The following DCAF15 variants were observed in gnomAD, a reference collection of about 807,000 sequenced individuals.
The protein encoded by DCAF15 is DDB1- and CUL4-associated factor 15.
A neutral mutation model predicts 68.0 loss-of-function variants in DCAF15; 24 were observed. That is an observed-to-expected ratio of 0.35 (90% CI 0.26 to 0.50). The LOEUF (loss-of-function observed/expected upper bound fraction) is 0.50, where lower values mean the gene tolerates loss of function less well. DCAF15 is among the 20% of genes least tolerant of loss of function. The pLI, the probability that DCAF15 is intolerant of heterozygous loss-of-function variation, is 0.98. For synonymous variants in DCAF15, 376 were observed against 341.6 expected (o/e 1.10, Z -1.11); for missense variants, 627 against 830.6 (o/e 0.75, Z 3.01).
chr19:13,960,564 T>C lies in DCAF15; in HGVS notation c.1731T>C (p.Asn577=). 1 of 1,592,884 alleles carries C rather than the reference T, an allele frequency of 6.3e-7. No homozygotes were observed. Among genetic ancestry groups the C allele is most frequent in the South Asian group, 1.1e-5 (1 of 88,246 alleles). The change falls in exon 12 of 13, where the codon AAT becomes AAC. Residue 577 remains asparagine, a synonymous_variant. Transcript: ENST00000254337. ...GCCGCTACGTCAACAGGATGACCAA[T>C]GAGGCGCTGCACAAAGGTGGGGCTC... ...SSGRYVNRMT[N]EALHKGCSLK...
Position 13,961,214 on chromosome 19 carries a change from C to T in DCAF15, c.*219C>T, listed in dbSNP as rs1167099142. ...AAGTTGGGAAGGGGCAGAGAGAGGG[C>T]GCCCCCTGCCCCACCAGCCTGAGTG... is the stretch of plus-strand genomic sequence containing the variant. On this transcript the variant is annotated 3_prime_UTR_variant, in exon 13 of 13. Coordinates refer to ENST00000254337, the MANE Select transcript of DCAF15 (RefSeq NM_138353.4). The T allele has an allele frequency of 1.5e-5, 9 of 604,506 alleles. No individual in the cohort carries two copies. Among genetic ancestry groups the T allele is most frequent in the Admixed American group, 5.7e-5 (2 of 35,184 alleles). The allele number at this position is 604,506 out of a possible 1,614,324, so 37.4% of individuals were successfully genotyped here.
intron 5 of DCAF15, 22 bp downstream of exon 5, chr19:13,956,284 G>C (rs761472327): frequency 2.5e-6 from 4 of 1,611,792 alleles, no homozygotes; most frequent in Non-Finnish European, 3.4e-6. Context: ...GAGGGGGCGA[G>C]GGCCTCTTCC....
In DCAF15 at chr19:13,956,506, C is replaced by T. The variant is rs754325765; in HGVS notation, c.768C>T (p.Val256=). The T allele has an allele frequency of 6.2e-7, 1 of 1,613,208 alleles. No homozygotes were observed. Residue 256 remains valine, a synonymous_variant, in exon 6 of 13, where the codon GTC becomes GTT. Coordinates refer to ENST00000254337, the MANE Select transcript of DCAF15 (RefSeq NM_138353.4). ...NTSYSLVACA[V]SVHSAGDRSF... is the part of the protein sequence containing the mutation. ...GCTACTCCCTGGTGGCCTGCGCCGTCTCCGTCCACTCGGCAGGTAGGCCCT... is the reference window on the plus strand; with the variant it reads ...GCTACTCCCTGGTGGCCTGCGCCGTTTCCGTCCACTCGGCAGGTAGGCCCT...
chr19:13,958,723 C>T (rs1973464558), intron 6 of DCAF15, among the ~76,000 whole-genome samples: 1 of 152,120 alleles, frequency 6.6e-6, no homozygotes, highest in Non-Finnish European at 1.5e-5. Flanking sequence ...AGGCTGGATG[C>T]TACTGTAGTG....
chr19:13,960,943 G>A lies in DCAF15; in HGVS notation c.1751G>A (p.Cys584Tyr), dbSNP rs757094457. 2 of 1,614,012 alleles carry A rather than the reference G, an allele frequency of 1.2e-6. No individual in the cohort carries two copies. The highest frequency in any genetic ancestry group is 4.5e-5 in the East Asian group (2 of 44,886). The change falls in exon 13 of 13, where the codon TGC becomes TAC. Residue 584 changes from cysteine to tyrosine, a missense_variant. Cys to Tyr is a radical substitution (Grantham distance 194, BLOSUM62 -2). Around this residue, in one of 3 missense-constraint regions of DCAF15, gnomAD observed 118 missense variants for 211.8 expected, o/e 0.56. Coordinates refer to ENST00000254337, the MANE Select transcript of DCAF15 (RefSeq NM_138353.4). ...TTGTCTCCACCTGTCCCTGTAGGGT[G>A]CTCCCTGAAGGTTCTGGCGGACAGC... ...RMTNEALHKG[C>Y]SLKVLADSER...
At position 13,960,989 on chromosome 19, in the gene DCAF15, G is replaced by T; in HGVS notation, c.1797G>T (p.Val599=). The T allele has an allele frequency of 6.2e-7, 1 of 1,613,852 alleles. No individual in the cohort carries two copies. Among genetic ancestry groups the T allele is most frequent in the Non-Finnish European group, 8.5e-7 (1 of 1,180,022 alleles). Residue 599 remains valine, a synonymous_variant, in exon 13 of 13, where the codon GTG becomes GTT. Transcript: ENST00000254337. ...LADSERYTWI[V]L Reference sequence around the variant, plus strand: ...ACAGCGAGCGATATACGTGGATCGTGCTGTGAGGGCCAGGCCGCCCCGGAC... The same window carrying T: ...ACAGCGAGCGATATACGTGGATCGTTCTGTGAGGGCCAGGCCGCCCCGGAC...
Position 13,954,738 on chromosome 19 carries a change from T to G in DCAF15, c.366+77T>G. 6.6e-6 allele frequency: 10 copies of G among 1,507,880 alleles called. No homozygotes were observed. In the South Asian group the frequency reaches 1.1e-4, roughly 17 times the overall value. The allele number at this position is 1,507,880 out of a possible 1,614,324, so 93.4% of individuals were successfully genotyped here. A position where few individuals can be genotyped will look rare whatever the true frequency, so the allele number is the denominator to read the frequency against. On this transcript the variant is annotated intron_variant, in intron 3 of 12. Coordinates refer to ENST00000254337, the MANE Select transcript of DCAF15 (RefSeq NM_138353.4). ...GTCACAGCAACCTCTGAGCCTCAGG[T>G]TCCTTGGGTGTAAAATGATCATCAT... is the stretch of plus-strand genomic sequence containing the variant.
chr19:13,959,928 C>CGGGCAGGGTGGGCCCAGGGA, intron 9 of DCAF15, 33 bp downstream of exon 9: 2 of 1,613,390 alleles, frequency 1.2e-6, no homozygotes, highest in Non-Finnish European at 1.7e-6. Flanking sequence ...GGGCCCAGGG[C>CGGGCAGGGTGGGCCCAGGGA]CTCCTGTACT....
At chr19:13,953,347 A>G in intron 1 of DCAF15, 1 of 528,630 alleles carries the variant, frequency 1.9e-6, no homozygotes, top group Admixed American at 3.7e-5. Context: ...CTCTGTGGAC[A>G]GGGACTGCGC....
chr19:13,960,909 C>T (rs929243948), intron 12 of DCAF15, 31 bp from the exon 13 acceptor site: 1 of 1,613,684 alleles, frequency 6.2e-7, no homozygotes, highest in African/African-American at 1.3e-5. Context: ...CAGGCAGGGG[C>T]TCTATGCTTT....
chr19:13,953,570 T>C (rs912090323), intron 1 of DCAF15, among the ~76,000 whole-genome samples: 2 of 152,224 alleles, frequency 1.3e-5, no homozygotes, highest in Non-Finnish European at 2.9e-5. Context: ...TCCGTCAGAC[T>C]GAGACCTCCA....
rs995307023 is a variant in DCAF15, at chr19:13,953,202, G to A, written c.132+558G>A. On this transcript the variant is annotated intron_variant, in intron 1 of 12. Transcript: ENST00000254337. Reference sequence around the variant, plus strand: ...CCGCAGAGTGAGAGTTACCGAAGCAGGCTCTGTCTCCTCCATCAGACTGGA... The same window carrying A: ...CCGCAGAGTGAGAGTTACCGAAGCAAGCTCTGTCTCCTCCATCAGACTGGA... 4.2e-6 allele frequency: 6 copies of A among 1,437,574 alleles called. 1 individual carries two copies. The highest frequency in any genetic ancestry group is 3.6e-4 in the Middle Eastern group (2 of 5,598). 89.1% of individuals were successfully genotyped at this position (1,437,574 alleles called of 1,614,324 possible). A position where few individuals can be genotyped will look rare whatever the true frequency, so the allele number is the denominator to read the frequency against.
chr19:13,956,310 C>G, intron 5 of DCAF15, 42 bp from the exon 6 acceptor site: 2 of 1,611,928 alleles, frequency 1.2e-6, no homozygotes, highest in South Asian at 2.2e-5. Context: ...CCCCCCCTTG[C>G]TCCGGGCCGA....
In DCAF15 at chr19:13,959,499, G is replaced by A; in HGVS notation, c.1219+20G>A. The A allele has an allele frequency of 6.2e-7, 1 of 1,609,064 alleles. No homozygotes were observed. Among genetic ancestry groups the A allele is most frequent in the South Asian group, 1.1e-5 (1 of 91,006 alleles). On this transcript the variant is annotated intron_variant, in intron 7 of 12. Transcript: ENST00000254337. The stretch of plus-strand genomic sequence containing the variant: ...AGGATGGTGAGCGGGGGGCAGGCAT[G>A]TGACAGGGCCTGGGATGGAGAGGCC...
Position 13,959,621 on chromosome 19 carries a change from C to T in DCAF15, c.1259C>T (p.Thr420Ile). The change falls in exon 8 of 13, where the codon ACT becomes ATT. Residue 420 changes from threonine to isoleucine, a missense_variant. Physicochemically the swap from Thr to Ile is moderately conservative, Grantham distance 89. This residue lies in a region of DCAF15 where 236 missense variants were observed against 225.1 expected (regional missense o/e 1.05). Transcript: ENST00000254337. ...AAGATCTCCCTGCCCTTCGTGGTGA[C>T]TGATCTTCGTGGCCGCAACCTGCGG... is the stretch of plus-strand genomic sequence containing the variant. The part of the protein sequence containing the change: ...DDKISLPFVV[T>I]DLRGRNLRPM... 1 of 1,613,512 alleles carries T rather than the reference C, an allele frequency of 6.2e-7. No homozygotes were observed. Among genetic ancestry groups the T allele is most frequent in the Non-Finnish European group, 8.5e-7 (1 of 1,179,930 alleles).
chr19:13,954,736 G>C, intron 3 of DCAF15, 75 bp downstream of exon 3: 1 of 1,511,382 alleles, frequency 6.6e-7, no homozygotes, highest in Non-Finnish European at 9.1e-7. Flanking sequence ...CTGAGCCTCA[G>C]GTTCCTTGGG....
In DCAF15 at chr19:13,960,570, G is replaced by A. The variant is rs758187196; in HGVS notation, c.1737G>A (p.Ala579=). Residue 579 remains alanine, a synonymous_variant, in exon 12 of 13, where the codon GCG becomes GCA. Coordinates refer to ENST00000254337, the MANE Select transcript of DCAF15 (RefSeq NM_138353.4). ...ACGTCAACAGGATGACCAATGAGGC[G>A]CTGCACAAAGGTGGGGCTCGGTGAC... is the stretch of plus-strand genomic sequence containing the variant. The part of the protein sequence containing the change: ...GRYVNRMTNE[A]LHKGCSLKVL... 3.1e-6 allele frequency: 5 copies of A among 1,588,982 alleles called. No individual in the cohort carries two copies. In the South Asian group the frequency reaches 4.6e-5, roughly 14 times the overall value.
rs139233149 is a variant in DCAF15, at chr19:13,959,330, C to T, written c.1070C>T (p.Ala357Val). The T allele has an allele frequency of 9.8e-5, 158 of 1,606,334 alleles. 2 individuals carry two copies. The African/African-American group carries it at 1.3e-3, about 13-fold the overall frequency. Residue 357 changes from alanine (A) to valine (V), a missense_variant, in exon 7 of 13, where the codon GCG (alanine) becomes GTG (valine). Physicochemically the swap from Ala to Val is moderately conservative, Grantham distance 64. This residue lies in a region of DCAF15 where 236 missense variants were observed against 225.1 expected (regional missense o/e 1.05). Coordinates refer to ENST00000254337, the MANE Select transcript of DCAF15 (RefSeq NM_138353.4). ...GGACCCTCTGGCAGCCGCTGCCGTG[C>T]GCACTCTGAGCCCCTAGCCCTGTGT... ...CPGPSGSRCR[A>V]HSEPLALCGE...
rs774956668 is a variant in DCAF15 at position 13,959,246 on chromosome 19, G to A, written c.986G>A (p.Arg329His). The change falls in exon 7 of 13, where the codon CGC becomes CAC. Residue 329 changes from arginine to histidine, a missense_variant. Arg to His is a conservative substitution (Grantham distance 29). Coordinates refer to ENST00000254337, the MANE Select transcript of DCAF15 (RefSeq NM_138353.4). ...KAKEFVADIF[R>H]RAKEAKGGVP... ...AAGGAGTTTGTGGCTGACATCTTCC[G>A]CCGGGCCAAAGAGGCCAAGGGCGGG... 9.9e-6 allele frequency: 16 copies of A among 1,612,550 alleles called. No individual in the cohort carries two copies. The highest frequency in any genetic ancestry group is 1.6e-4 in the Middle Eastern group (1 of 6,062).
Sources: allele counts gnomAD v4.1 joint callset (sites outside exome capture counted in the v4.1 genomes callset), GRCh38; gene constraint gnomAD v4.1.1; regional missense constraint gnomAD v4.1.1; transcripts MANE v1.5; gene names NCBI Gene and HGNC (gene_info 2026-07-23, HGNC 2026-07-21).